TMEM164: variants seen among roughly 807,000 people sequenced by gnomAD.
TMEM164 encodes RP13-360B22.2.
TMEM164 carries 4 observed loss-of-function variants against 18.8 expected under a neutral mutation model. The ratio of observed to expected loss-of-function variants is 0.21; its 90% confidence interval spans 0.10 to 0.49. The LOEUF is 0.49. Ranked by LOEUF, TMEM164 falls within the 20% of genes least tolerant of loss-of-function variation. The pLI is 0.98. For missense variants in TMEM164, 108 were observed against 239.9 expected, an observed-to-expected ratio of 0.45 and a Z score of 3.63; for synonymous variants, 86 against 101.7, an observed-to-expected ratio of 0.85 and a Z score of 0.93.
chrX:110,015,550 A>AGT (rs200228472), intron 2 of TMEM164, among the ~76,000 whole-genome samples: 4,054 of 99,473 alleles, frequency 0.041, 67 homozygotes, highest in African/African-American at 0.055. Context: ...CAGGAACTTG[A>AGT]GTGTGTGTGT....
At chrX:110,007,252 G>A (rs1004381083) in intron 2 of TMEM164, among the ~76,000 whole-genome samples, 6 of 111,992 alleles carry the variant, frequency 5.4e-5, no homozygotes, top group Admixed American at 1.9e-4. Flanking sequence ...ATTAATATTC[G>A]TCCTGTCAGA....
intron 3 of TMEM164, among the ~76,000 whole-genome samples, chrX:110,073,883 G>GTTGTTGTTT (rs2065632308): frequency 9.0e-6 from 1 of 110,715 alleles, no homozygotes; most frequent in African/African-American, 3.3e-5. Flanking sequence ...TTTTGTTGTT[G>GTTGTTGTTT]TTGTTGTTCT....
intron 2 of TMEM164, among the ~76,000 whole-genome samples, chrX:110,057,049 T>A (rs1254973431): frequency 7.2e-5 from 8 of 110,812 alleles, no homozygotes; most frequent in Non-Finnish European, 1.5e-4. Context: ...ATACTTAGGA[T>A]CTATTCTTAT....
At chrX:110,140,240 C>T (rs1189651108) in intron 4 of TMEM164, among the ~76,000 whole-genome samples, 1 of 110,998 alleles carries the variant, frequency 9.0e-6, no homozygotes, top group Non-Finnish European at 1.9e-5. Context: ...TTCAAATCAG[C>T]AGAGTGGTTA....
At chrX:110,171,236 G>A (rs1453115569) in intron 5 of TMEM164, among the ~76,000 whole-genome samples, 184 bp from the exon 6 acceptor site, 1 of 111,525 alleles carries the variant, frequency 9.0e-6, no homozygotes, top group Non-Finnish European at 1.9e-5. Context: ...CAGGACAGAG[G>A]GCAGGAAGGG....
intron 3 of TMEM164, among the ~76,000 whole-genome samples, chrX:110,101,986 G>T (rs2066118364): frequency 9.3e-6 from 1 of 107,955 alleles, no homozygotes; most frequent in Non-Finnish European, 1.9e-5. Flanking sequence ...TTATTCTTAA[G>T]GTGGAAGCTT....
At chrX:110,107,062 T>C (rs1265168280) in intron 3 of TMEM164, among the ~76,000 whole-genome samples, 1 of 111,947 alleles carries the variant, frequency 8.9e-6, no homozygotes, top group African/African-American at 3.3e-5. Flanking sequence ...ACTTTAGTCA[T>C]CCTTTGAAAT....
At chrX:110,024,702 G>A (rs901052071) in intron 2 of TMEM164, among the ~76,000 whole-genome samples, 1 of 112,140 alleles carries the variant, frequency 8.9e-6, no homozygotes, top group Non-Finnish European at 1.9e-5. Flanking sequence ...TTATGGCTCT[G>A]TGTGAGAATT....
In TMEM164 at chrX:110,155,475, G is replaced by A. The variant is rs760994962; in HGVS notation, c.586+10599G>A. Reference sequence around the variant, plus strand: ...TCCATCCACTACCAAAGCAAAAAATGTAGGCAACATCCTAGATCTCTTCCT... The same window carrying A: ...TCCATCCACTACCAAAGCAAAAAATATAGGCAACATCCTAGATCTCTTCCT... On this transcript the variant is annotated intron_variant, in intron 5 of 6. Transcript: ENST00000372068. 4.0e-3 allele frequency among the ~76,000 whole-genome samples: 446 copies of A among 110,721 alleles called. 6 individuals carry two copies. The highest frequency in any genetic ancestry group is 0.014 in the African/African-American group (434 of 30,388).
At chrX:110,049,298 G>A (rs1280913722) in intron 2 of TMEM164, among the ~76,000 whole-genome samples, 3 of 110,785 alleles carry the variant, frequency 2.7e-5, no homozygotes, top group Non-Finnish European at 5.7e-5. Flanking sequence ...AAGGGCATAC[G>A]GCCTAATGCA....
At chrX:110,098,614 TTTG>T (rs778141204) in intron 3 of TMEM164, among the ~76,000 whole-genome samples, 13 of 111,975 alleles carry the variant, frequency 1.2e-4, no homozygotes, top group Admixed American at 3.8e-4. Flanking sequence ...TATTGTCTTT[TTTG>T]TTGTTGTTGT....
intron 2 of TMEM164, among the ~76,000 whole-genome samples, chrX:110,036,821 A>C (rs779422639): frequency 8.9e-6 from 1 of 112,025 alleles, no homozygotes; most frequent in East Asian, 2.8e-4. Flanking sequence ...TTATATCTGC[A>C]CTGTCTGATA....
intron 4 of TMEM164, among the ~76,000 whole-genome samples, chrX:110,120,539 C>T (rs1328147912): frequency 1.8e-5 from 2 of 111,896 alleles, no homozygotes; most frequent in African/African-American, 3.2e-5. Context: ...AGACAGTGTG[C>T]GAAGATCAAA....
intron 2 of TMEM164, among the ~76,000 whole-genome samples, chrX:110,015,836 T>A (rs1933333327): frequency 8.9e-6 from 1 of 112,290 alleles, no homozygotes. Flanking sequence ...TACTCTGCTT[T>A]CAAGTTCACC....
At chrX:110,092,196 T>C (rs1432781802) in intron 3 of TMEM164, among the ~76,000 whole-genome samples, 2 of 112,065 alleles carry the variant, frequency 1.8e-5, no homozygotes, top group Non-Finnish European at 3.8e-5. Context: ...ATGCAGGCTC[T>C]TTTTTGGTTC....
chrX:110,031,955 T>A (rs1261059522), intron 2 of TMEM164, among the ~76,000 whole-genome samples: 1 of 110,508 alleles, frequency 9.0e-6, no homozygotes, highest in Non-Finnish European at 1.9e-5. Context: ...CCTCGGCTAA[T>A]GTGAAAGAAT....
chrX:110,165,586 C>T (rs995445909), intron 5 of TMEM164, among the ~76,000 whole-genome samples: 7 of 112,154 alleles, frequency 6.2e-5, no homozygotes, highest in African/African-American at 1.9e-4. Flanking sequence ...CCTTTTATCA[C>T]ATTTTGTGGA....
intron 2 of TMEM164, among the ~76,000 whole-genome samples, chrX:110,028,488 G>A (rs1404926504): frequency 8.9e-6 from 1 of 111,977 alleles, no homozygotes; most frequent in Non-Finnish European, 1.9e-5. Context: ...TGAATTAAAA[G>A]GTTAATAATT....
At chrX:110,075,515 C>T (rs1308370219) in intron 3 of TMEM164, among the ~76,000 whole-genome samples, 1 of 111,245 alleles carries the variant, frequency 9.0e-6, no homozygotes, top group Non-Finnish European at 1.9e-5. Context: ...ATGGTGAGAG[C>T]GGGCATCCTT....
Sources: gnomAD v4.1 joint callset for allele counts (sites outside exome capture counted in the v4.1 genomes callset) on GRCh38, gnomAD v4.1.1 for gene constraint, MANE v1.5 for transcripts, NCBI Gene and HGNC (gene_info 2026-07-23, HGNC 2026-07-21) for gene names.